Variants in TTC6 observed in about 807,000 individuals in gnomAD.
TTC6 encodes tetratricopeptide repeat domain 6, also known as tetratricopeptide repeat protein 6.
In TTC6, 172 loss-of-function variants were observed where a neutral mutation model predicts 210.4. The ratio of observed to expected loss-of-function variants is 0.82; its 90% CI spans 0.72 to 0.93. The LOEUF (loss-of-function observed/expected upper bound fraction) is 0.93, where lower values mean the gene tolerates loss of function less well. TTC6 is among the 40% of genes least tolerant of loss of function. The pLI is 0.00. For synonymous variants in TTC6, 804 were observed against 819.6 expected, an observed-to-expected ratio of 0.98 and a Z score of 0.32; for missense variants, 2,414 against 2,318.1, an observed-to-expected ratio of 1.04 and a Z score of -0.85.
At chr14:37,795,186 T>A (rs1481627267) in intron 17 of TTC6, 84 bp from the exon 20 acceptor site, 1 of 865,226 alleles carries the variant, frequency 1.2e-6, no homozygotes, top group Non-Finnish European at 1.7e-6. Flanking sequence ...GCAAAATTTC[T>A]GTAGAAAGGG....
intron 1 of TTC6, among the ~76,000 whole-genome samples, chr14:37,667,015 A>G (rs2095749498): frequency 6.7e-6 from 1 of 149,958 alleles, no homozygotes; most frequent in African/African-American, 2.4e-5. Flanking sequence ...TTTTATTTTT[A>G]TTTCTTTAAC....
chr14:37,821,772 CTTTTTTTTTTTTTTT>C (rs35078384), intron 26 of TTC6, among the ~76,000 whole-genome samples: 2 of 69,148 alleles, frequency 2.9e-5, no homozygotes, highest in African/African-American at 6.7e-5. Flanking sequence ...AAGAGCTAGT[CTTTTTTTTTTTTTTT>C]TTTTTTTTTT....
intron 18 of TTC6, 45 bp downstream of exon 20, chr14:37,795,397 AGAG>A (rs2096090319): frequency 3.4e-5 from 45 of 1,318,604 alleles, no homozygotes; most frequent in Non-Finnish European, 4.6e-5. Context: ...ACTTAGCATC[AGAG>A]AAATTGAATG....
intron 5 of TTC6, among the ~76,000 whole-genome samples, chr14:37,702,245 A>G (rs2095826838): frequency 2.0e-5 from 3 of 152,166 alleles, no homozygotes; most frequent in Non-Finnish European, 4.4e-5. Context: ...TGAAGTTCTT[A>G]TCTCTTGATA....
intron 14 of TTC6, among the ~76,000 whole-genome samples, chr14:37,782,273 T>G (rs1192879982): frequency 6.6e-6 from 1 of 152,226 alleles, no homozygotes; most frequent in Non-Finnish European, 1.5e-5. Flanking sequence ...GGAATGTTCT[T>G]CCATTTGTTT....
intron 14 of TTC6, among the ~76,000 whole-genome samples, chr14:37,770,058 G>T (rs1036347273): frequency 2.6e-5 from 4 of 152,198 alleles, no homozygotes; most frequent in South Asian, 2.1e-4. Flanking sequence ...ATTTCGTTAT[G>T]TACCCAGTAG....
intron 1 of TTC6, among the ~76,000 whole-genome samples, chr14:37,655,146 C>T (rs2095719637): frequency 6.6e-6 from 1 of 152,164 alleles, no homozygotes; most frequent in South Asian, 2.1e-4. Context: ...CAGGCCCAGA[C>T]ATTTTGACAC....
chr14:37,718,680 C>A (rs192154884), intron 6 of TTC6, among the ~76,000 whole-genome samples: 2 of 152,278 alleles, frequency 1.3e-5, no homozygotes, highest in East Asian at 3.9e-4. Flanking sequence ...GTAAGCCCAG[C>A]GCTTTGGGAG....
intron 7 of TTC6, among the ~76,000 whole-genome samples, chr14:37,730,565 C>G (rs1208413317): frequency 6.6e-6 from 1 of 152,168 alleles, no homozygotes; most frequent in Admixed American, 6.5e-5. Flanking sequence ...TTTCTTTCCA[C>G]AATTTCTTCT....
chr14:37,697,695 A>G (rs2095817397), intron 4 of TTC6, among the ~76,000 whole-genome samples: 1 of 152,158 alleles, frequency 6.6e-6, no homozygotes, highest in Non-Finnish European at 1.5e-5. Context: ...CATTTAAGTG[A>G]CCCTGTACAT....
intron 1 of TTC6, among the ~76,000 whole-genome samples, chr14:37,625,825 A>C (rs1566847552): frequency 6.6e-6 from 1 of 152,156 alleles, no homozygotes. Context: ...GACATTCCAC[A>C]TGCAGCACTT....
intron 20 of TTC6, 88 bp downstream of exon 22, chr14:37,797,035 A>C (rs1321966874): frequency 3.4e-6 from 4 of 1,177,022 alleles, no homozygotes; most frequent in Non-Finnish European, 4.5e-6. Flanking sequence ...ATTTTTCACA[A>C]AATTAAGTCA....
At chr14:37,681,822 G>A (rs1474222392) in intron 2 of TTC6, among the ~76,000 whole-genome samples, 6 of 152,078 alleles carry the variant, frequency 3.9e-5, no homozygotes, top group Non-Finnish European at 8.8e-5. Context: ...GCTTGCAGAG[G>A]ACACACACAC....
intron 7 of TTC6, among the ~76,000 whole-genome samples, chr14:37,726,801 A>G (rs1489771961): frequency 1.3e-5 from 2 of 152,000 alleles, no homozygotes; most frequent in African/African-American, 4.8e-5. Context: ...TTTCTTGTCA[A>G]TTGGCAACAT....
At chr14:37,617,372 G>A (rs542177788), upstream of TTC6, among the ~76,000 whole-genome samples, 12 of 152,216 alleles carry the variant, frequency 7.9e-5, no homozygotes, top group African/African-American at 2.9e-4. Context: ...GTTATAAAGG[G>A]CTGAGCTTTT....
At chr14:37,761,761 C>T (rs527510090) in intron 14 of TTC6, among the ~76,000 whole-genome samples, 1 of 152,186 alleles carries the variant, frequency 6.6e-6, no homozygotes, top group Admixed American at 6.5e-5. Flanking sequence ...TGATAGTATT[C>T]TTTTATGTCT....
intron 1 of TTC6, among the ~76,000 whole-genome samples, chr14:37,640,471 C>T (rs371296309): frequency 6.6e-6 from 1 of 152,132 alleles, no homozygotes; most frequent in Non-Finnish European, 1.5e-5. Context: ...GCATCTCCTC[C>T]TAGTCCTCCA....
chr14:37,675,062 T>G (rs2138507540), intron 1 of TTC6, among the ~76,000 whole-genome samples: 1 of 152,216 alleles, frequency 6.6e-6, no homozygotes, highest in African/African-American at 2.4e-5. Context: ...TTACTTTTTT[T>G]TTTACACTGA....
intron 3 of TTC6, among the ~76,000 whole-genome samples, chr14:37,685,767 C>A (rs1198613785): frequency 2.0e-5 from 3 of 152,104 alleles, no homozygotes; most frequent in Non-Finnish European, 4.4e-5. Flanking sequence ...GCTTGTTGCA[C>A]CTTTCAGCAG....
Sources: gnomAD v4.1 joint callset for allele counts (sites outside exome capture counted in the v4.1 genomes callset) on GRCh38, gnomAD v4.1.1 for gene constraint, MANE v1.5 for transcripts, NCBI Gene and HGNC (gene_info 2026-07-23, HGNC 2026-07-21) for gene names.